PRDM16: variants seen among roughly 807,000 people sequenced by gnomAD.
The protein encoded by PRDM16 is histone-lysine N-methyltransferase PRDM16.
Under a neutral mutation model 110.6 loss-of-function variants are expected in PRDM16, and 23 were observed. The observed-to-expected ratio is 0.21, with a 90% CI of 0.15 to 0.29. The LOEUF (loss-of-function observed/expected upper bound fraction) is 0.29, where lower values mean the gene tolerates loss of function less well. PRDM16 is among the 10% of genes least tolerant of loss of function. PRDM16 has a pLI of 1.00. For synonymous variants in PRDM16, 799 were observed against 781.8 expected (o/e 1.02, Z -0.37); for missense variants, 1,615 against 1,794.3 (o/e 0.90, Z 1.81).
At chr1:3,406,938 G>C (rs1055485041) in intron 8 of PRDM16, among the ~76,000 whole-genome samples, 1 of 152,188 alleles carries the variant, frequency 6.6e-6, no homozygotes, top group East Asian at 1.9e-4. Context: ...GCCTGAGAGT[G>C]GGGCCCTTCT....
At chr1:3,126,046 C>A (rs752576330) in intron 1 of PRDM16, among the ~76,000 whole-genome samples, 6 of 152,246 alleles carry the variant, frequency 3.9e-5, no homozygotes, top group Non-Finnish European at 8.8e-5. Context: ...ATGCATTGAT[C>A]GGGCTGGCTC....
chr1:3,253,026 T>G (rs7513217), intron 3 of PRDM16, among the ~76,000 whole-genome samples: 1 of 151,972 alleles, frequency 6.6e-6, no homozygotes, highest in East Asian at 1.9e-4. Flanking sequence ...CCCTCGAGCC[T>G]GCGCGCTGCT....
intron 3 of PRDM16, among the ~76,000 whole-genome samples, chr1:3,305,576 A>T (rs1557594245): frequency 6.6e-6 from 1 of 152,242 alleles, no homozygotes; most frequent in East Asian, 1.9e-4. Context: ...TGTTATTCGA[A>T]TGGAAGTTGA....
At chr1:3,342,624 T>A (rs1642293441) in intron 3 of PRDM16, among the ~76,000 whole-genome samples, 1 of 152,212 alleles carries the variant, frequency 6.6e-6, no homozygotes. Flanking sequence ...TTTCCATCAC[T>A]CCTGGTCTCT....
At chr1:3,280,229 T>C (rs1265120023) in intron 3 of PRDM16, among the ~76,000 whole-genome samples, 2 of 152,118 alleles carry the variant, frequency 1.3e-5, no homozygotes, top group Non-Finnish European at 2.9e-5. Context: ...GCCGACTCTG[T>C]GTGTTCGTGT....
intron 3 of PRDM16, among the ~76,000 whole-genome samples, chr1:3,314,071 C>CGGGGGGGGGG (rs747479644): frequency 7.2e-4 from 72 of 100,272 alleles, no homozygotes; most frequent in African/African-American, 2.5e-3. Context: ...CCTTCCCCAC[C>CGGGGGGGGGG]GGGGGGGGGG....
At chr1:3,181,664 A>ATATGGTCTTACACACG (rs1644196544) in intron 1 of PRDM16, among the ~76,000 whole-genome samples, 1 of 113,874 alleles carries the variant, frequency 8.8e-6, no homozygotes, top group Non-Finnish European at 1.8e-5. Flanking sequence ...ACGGTCTTAC[A>ATATGGTCTTACACACG]CAGTCTTACA....
intron 3 of PRDM16, among the ~76,000 whole-genome samples, chr1:3,260,103 C>T (rs1170482111): frequency 1.3e-5 from 2 of 152,212 alleles, no homozygotes; most frequent in Non-Finnish European, 1.5e-5. Context: ...TGAAACCCCA[C>T]TCTCAAAAAG....
At position 3,093,450 on chromosome 1, in the gene PRDM16, T is replaced by A. The variant is rs142962961; in HGVS notation, c.37+24154T>A. 4.0e-3 allele frequency among the ~76,000 whole-genome samples: 616 copies of A among 152,296 alleles called. 5 individuals carry two copies. Among genetic ancestry groups the A allele is most frequent in the African/African-American group, 0.014 (574 of 41,570 alleles). On this transcript the variant is annotated intron_variant, in intron 1 of 16. Transcript: ENST00000270722. ...TGAAGAGTCCTCTTCCAGAATTGAT[T>A]GACTGTTTCTCCAGACTTTGGGGGC...
At position 3,265,470 on chromosome 1, in the gene PRDM16, G is replaced by A. The variant is rs558687847; in HGVS notation, c.438+21333G>A. ...TTGGGGAGGGACTTGGAGGCTTCCC[G>A]GTGGGAAGGTGAGTTGCCCTGCCTG... On this transcript the variant is annotated intron_variant, in intron 3 of 16. Coordinates refer to ENST00000270722, the MANE Select transcript of PRDM16 (RefSeq NM_022114.4). This position sits in a 1 kb window ranked among gnomAD's most constrained non-coding sequence, Gnocchi z 4.5. Among the ~76,000 whole-genome samples the A allele has an allele frequency of 1.8e-4, 27 of 152,130 alleles. No individual in the cohort carries two copies. Among genetic ancestry groups the A allele is most frequent in the Middle Eastern group, 3.4e-3 (1 of 294 alleles).
chr1:3,251,116 C>G (rs1639919630), intron 3 of PRDM16, among the ~76,000 whole-genome samples: 1 of 152,368 alleles, frequency 6.6e-6, no homozygotes, highest in Middle Eastern at 3.4e-3. Flanking sequence ...CCAAGTTAAA[C>G]AGAGGGGTCT....
chr1:3,302,163 A>G (rs746582764), intron 3 of PRDM16, among the ~76,000 whole-genome samples: 1 of 152,172 alleles, frequency 6.6e-6, no homozygotes, highest in Non-Finnish European at 1.5e-5. Flanking sequence ...TCTACTGGTC[A>G]ATAAACAACC....
rs1017707026 is a variant in PRDM16, at chr1:3,434,783, C to T, written c.*972C>T. 24 of 232,370 alleles carry T rather than the reference C, an allele frequency of 1.0e-4. No homozygotes were observed. The highest frequency in any genetic ancestry group is 1.4e-4 in the Non-Finnish European group (17 of 117,544). 14.4% of individuals were successfully genotyped at this position (232,370 alleles called of 1,614,324 possible). A position where few individuals can be genotyped will look rare whatever the true frequency, so the allele number is the denominator to read the frequency against. On this transcript the variant is annotated 3_prime_UTR_variant, in exon 17 of 17. Transcript: ENST00000270722. ...ATGTGGCCGGGCACCCATCTTCCTT[C>T]CCTCCTCTGTCCCTGCCTCGGCCAC...
intron 3 of PRDM16, among the ~76,000 whole-genome samples, chr1:3,377,772 G>A (rs548143001): frequency 3.3e-5 from 5 of 152,202 alleles, no homozygotes; most frequent in Non-Finnish European, 7.3e-5. Context: ...TGGAGACGTG[G>A]GCTGGGCCGC....
intron 1 of PRDM16, among the ~76,000 whole-genome samples, chr1:3,137,069 A>C (rs1428662077): frequency 1.3e-5 from 2 of 152,144 alleles, no homozygotes; most frequent in Admixed American, 1.3e-4. Flanking sequence ...ATCCCATTTC[A>C]CAGGTGAGGA....
At chr1:3,401,220 T>C (rs1161353272) in intron 5 of PRDM16, among the ~76,000 whole-genome samples, 2 of 152,262 alleles carry the variant, frequency 1.3e-5, no homozygotes, top group East Asian at 1.9e-4. Context: ...GCCCACACTT[T>C]CCTTAGGACT....
At chr1:3,207,376 A>G (rs1181236999) in intron 2 of PRDM16, 1 of 152,252 alleles carries the variant, frequency 6.6e-6, no homozygotes, top group African/African-American at 2.4e-5. Context: ...CAGAGAAGTG[A>G]AGTTTTGCTT....
intron 3 of PRDM16, among the ~76,000 whole-genome samples, chr1:3,264,423 C>CT (rs1430360689): frequency 6.8e-6 from 1 of 146,448 alleles, no homozygotes; most frequent in African/African-American, 2.6e-5. Flanking sequence ...ATCCGAGGAC[C>CT]CTAGGCCAGG....
At chr1:3,125,865 T>A (rs1346159840) in intron 1 of PRDM16, among the ~76,000 whole-genome samples, 1 of 152,192 alleles carries the variant, frequency 6.6e-6, no homozygotes, top group East Asian at 1.9e-4. Context: ...GGCTCCTTTG[T>A]GGGCCCCAGC....
Sources: allele counts gnomAD v4.1 joint callset (sites outside exome capture counted in the v4.1 genomes callset), GRCh38; gene constraint gnomAD v4.1.1; non-coding constraint Gnocchi (gnomAD v3.1); transcripts MANE v1.5; gene names NCBI Gene and HGNC (gene_info 2026-07-23, HGNC 2026-07-21).